Variants in HSPG2 observed in about 807,000 individuals in gnomAD.
The protein encoded by HSPG2 is heparan sulfate proteoglycan 2.
HSPG2 carries 278 observed loss-of-function variants against 526.6 expected under a neutral mutation model. The observed-to-expected ratio is 0.53, with a 90% CI of 0.48 to 0.58. HSPG2 has a LOEUF of 0.58. HSPG2 is among the 20% of genes least tolerant of loss of function. The pLI, the probability that HSPG2 is intolerant of heterozygous loss-of-function variation, is 0.00. For missense variants in HSPG2, 5,354 were observed against 6,099.5 expected (o/e 0.88, Z 4.07); for synonymous variants, 2,465 against 2,555.4 (o/e 0.96, Z 1.07).
In HSPG2 at chr1:21,880,699, G is replaced by C. The variant is rs754926732; in HGVS notation, c.1955C>G (p.Thr652Ser). 18 of 1,599,882 alleles carry C rather than the reference G, an allele frequency of 1.1e-5. No individual in the cohort carries two copies. The highest frequency in any genetic ancestry group is 1.5e-5 in the Non-Finnish European group (18 of 1,173,760). ...GCGCTGGTTCAGAGCACCAGGTTGG[G>C]TGGGTGTGTGGCCTCGGGAGAGGAG... ...YRLLSRGHTP[T>S]QPGALNQRQV... The change falls in exon 15 of 97, where the codon ACC (threonine) becomes AGC (serine). Residue 652 changes from threonine (T) to serine (S), a missense_variant. Physicochemically the swap from Thr to Ser is moderately conservative, Grantham distance 58 (BLOSUM62 1). Coordinates refer to ENST00000374695, the MANE Select transcript of HSPG2 (RefSeq NM_005529.7).
At chr1:21,933,385 A>G (rs1259273377) in intron 1 of HSPG2, among the ~76,000 whole-genome samples, 3 of 152,116 alleles carry the variant, frequency 2.0e-5, no homozygotes, top group Non-Finnish European at 4.4e-5. Flanking sequence ...AGCAGGAAAC[A>G]CAGGTGAATG....
intron 12 of HSPG2, 46 bp from the exon 13 acceptor site, chr1:21,884,720 G>C (rs768228305): frequency 2.5e-5 from 40 of 1,610,706 alleles, no homozygotes; most frequent in Non-Finnish European, 3.0e-5. Context: ...GTGGTGGGCA[G>C]CCCGGCTCTG....
intron 57 of HSPG2, among the ~76,000 whole-genome samples, 177 bp downstream of exon 57, chr1:21,849,864 G>C (rs1029099730): frequency 3.3e-5 from 5 of 152,228 alleles, no homozygotes; most frequent in African/African-American, 1.2e-4. Context: ...ATTTTCAGTA[G>C]AGATGGGGTT....
intron 74 of HSPG2, 96 bp downstream of exon 74, chr1:21,838,729 T>C: frequency 1.5e-6 from 2 of 1,330,684 alleles, no homozygotes; most frequent in Non-Finnish European, 2.1e-6. Context: ...GGTGGGGTTA[T>C]GGAGGGAGGC....
chr1:21,846,546 C>T lies in HSPG2; in HGVS notation c.8218G>A (p.Glu2740Lys), dbSNP rs545072429. ...CAGTTCAGATCCAGGGTCTCCCCTT[C>T]GGCCACGTGTGAGGAGGATGACTCA... is the stretch of plus-strand genomic sequence containing the variant. ...RIESSSSHVA[E>K]GETLDLNCVV... The change falls in exon 63 of 97, where the codon GAA becomes AAA. Residue 2740 changes from glutamate (E) to lysine (K), a missense_variant. By Grantham distance (56) the Glu-to-Lys change is moderately conservative. Transcript: ENST00000374695. 2.2e-5 allele frequency: 36 copies of T among 1,613,748 alleles called. No individual in the cohort carries two copies. The highest frequency in any genetic ancestry group is 1.3e-4 in the East Asian group (6 of 44,890).
At chr1:21,880,955 G>T in intron 14 of HSPG2, 120 bp from the exon 15 acceptor site, 1 of 1,052,606 alleles carries the variant, frequency 9.5e-7, no homozygotes, top group Non-Finnish European at 1.4e-6. Context: ...CTTACTGTGT[G>T]CCAGGCACTG....
rs775040715 is a variant in HSPG2 at position 21,840,030 on chromosome 1, A to T, written c.9514-13T>A. 1.9e-6 allele frequency: 3 copies of T among 1,613,800 alleles called. No individual in the cohort carries two copies. The highest frequency in any genetic ancestry group is 1.7e-6 in the Non-Finnish European group (2 of 1,179,876). On this transcript the variant is annotated splice_polypyrimidine_tract_variant and intron_variant, in intron 71 of 96. Transcript: ENST00000374695. ...TAGCTGATGAAATCTGGGAGAAAGC[A>T]AGGAGGCTGGTTATGTGGGGACTCA...
chr1:21,823,951 G>T, intron 95 of HSPG2, 170 bp downstream of exon 95: 2 of 790,114 alleles, frequency 2.5e-6, no homozygotes, highest in Non-Finnish European at 4.2e-6. Flanking sequence ...CCCCAGCGGA[G>T]TTCAGTCCGA....
intron 1 of HSPG2, chr1:21,908,138 T>A: frequency 1.2e-6 from 1 of 826,836 alleles, no homozygotes; most frequent in South Asian, 1.3e-5. Flanking sequence ...ACCCAATAGA[T>A]GTTCTCCAGG....
In HSPG2 at chr1:21,858,122, G is replaced by T. The variant is rs991200458; in HGVS notation, c.5294-737C>A. On this transcript the variant is annotated intron_variant, in intron 42 of 96. Coordinates refer to ENST00000374695, the MANE Select transcript of HSPG2 (RefSeq NM_005529.7). This position sits in a 1 kb window ranked among gnomAD's most constrained non-coding sequence, Gnocchi z 4.2. ...CAGAGCCAAGACTCTTGCAGGAGTT[G>T]TCCACACTCGCTGCCTTCCCACCCA... 1.3e-5 allele frequency among the ~76,000 whole-genome samples: 2 copies of T among 152,212 alleles called. No individual in the cohort carries two copies. The highest frequency in any genetic ancestry group is 4.1e-4 in the South Asian group (2 of 4,830).
Position 21,872,259 on chromosome 1 carries a change from G to A in HSPG2, c.4148C>T (p.Ser1383Phe). 6.4e-7 allele frequency: 1 copy of A among 1,554,836 alleles called. No individual in the cohort carries two copies. Among genetic ancestry groups the A allele is most frequent in the Non-Finnish European group, 8.7e-7 (1 of 1,148,692 alleles). The change falls in exon 33 of 97, where the codon TCT becomes TTT. Residue 1383 changes from serine to phenylalanine, a missense_variant. By Grantham distance (155) the Ser-to-Phe change is radical. Transcript: ENST00000374695. The surrounding 1 kb of genome is among the most constrained non-coding windows in gnomAD (Gnocchi z 5.5). ...GCCGAGTTGGGCAAAGTTGCCAAAA[G>A]AGAGCTGGGCACCCTCGGGCACGGG... ...VEPVPEGAQLSFGNFAQLGHE... is the reference protein window; with the variant it reads ...VEPVPEGAQLFFGNFAQLGHE...
rs1171936933 is a variant in HSPG2, at chr1:21,833,909, T to C, written c.10737A>G (p.Ser3579=). ...LLLVQALPQI[S]MPQEVRVPAG... ...CAGGCACACGGACTTCTTGGGGCAT[T>C]GAGATCTGGGGCAAGGCTGAGAGGC... The change falls in exon 78 of 97, where the codon TCA becomes TCG. Residue 3579 remains serine, a synonymous_variant. Coordinates refer to ENST00000374695, the MANE Select transcript of HSPG2 (RefSeq NM_005529.7). 2.5e-6 allele frequency: 4 copies of C among 1,590,726 alleles called. No individual in the cohort carries two copies. Among genetic ancestry groups the C allele is most frequent in the Non-Finnish European group, 3.4e-6 (4 of 1,168,256 alleles).
At chr1:21,873,232 T>A in intron 30 of HSPG2, 141 bp from the exon 31 acceptor site, 1 of 1,165,238 alleles carries the variant, frequency 8.6e-7, no homozygotes, top group Non-Finnish European at 1.3e-6. Context: ...TCGGAGGTGG[T>A]GGGGCCTTCT....
intron 1 of HSPG2, among the ~76,000 whole-genome samples, chr1:21,903,967 C>T (rs999049765): frequency 6.6e-6 from 1 of 152,232 alleles, no homozygotes; most frequent in African/African-American, 2.4e-5. Flanking sequence ...TCAGCTTCCT[C>T]ATCCTTAAAA....
chr1:21,918,508 G>C (rs1244490269), intron 1 of HSPG2, among the ~76,000 whole-genome samples: 3 of 151,114 alleles, frequency 2.0e-5, no homozygotes, highest in Admixed American at 6.6e-5. Context: ...AATAGTACCT[G>C]CCTTATTGGG....
intron 1 of HSPG2, among the ~76,000 whole-genome samples, chr1:21,905,611 A>G (rs1244715264): frequency 3.3e-5 from 5 of 152,192 alleles, no homozygotes. Flanking sequence ...GTGTGGTGGC[A>G]GGCGCCTGTA....
intron 33 of HSPG2, among the ~76,000 whole-genome samples, chr1:21,868,610 C>T (rs1640416820): frequency 6.6e-6 from 1 of 152,134 alleles, no homozygotes; most frequent in Non-Finnish European, 1.5e-5. Flanking sequence ...GTCAAGGAAG[C>T]CCAGAGAAAA....
In HSPG2 at chr1:21,889,971, A is replaced by T; in HGVS notation, c.574+10T>A. On this transcript the variant is annotated intron_variant, in intron 6 of 96. Transcript: ENST00000374695. ...GGAGGAGGCGATCCCAGACACCAGG[A>T]TAGGCTCACCTGTGCCCAGGCGTCG... 1 of 1,614,000 alleles carries T rather than the reference A, an allele frequency of 6.2e-7. No individual in the cohort carries two copies. The highest frequency in any genetic ancestry group is 8.5e-7 in the Non-Finnish European group (1 of 1,179,932).
rs113471578 is a variant in HSPG2 at position 21,873,475 on chromosome 1, C to T, written c.3744-51G>A. On this transcript the variant is annotated intron_variant, in intron 29 of 96. Transcript: ENST00000374695. ...AATTTTGGATGAAGGGAAGCAGAACCCCAGGGCTGGGCTGAGGGCCCCATA... is the reference window on the plus strand; with the variant it reads ...AATTTTGGATGAAGGGAAGCAGAACTCCAGGGCTGGGCTGAGGGCCCCATA... The T allele has an allele frequency of 2.1e-5, 33 of 1,579,256 alleles. No individual in the cohort carries two copies. In the African/African-American group the frequency reaches 3.4e-4, roughly 16 times the overall value.
Sources: allele counts gnomAD v4.1 joint callset (sites outside exome capture counted in the v4.1 genomes callset), GRCh38; gene constraint gnomAD v4.1.1; non-coding constraint Gnocchi (gnomAD v3.1); transcripts MANE v1.5; gene names NCBI Gene and HGNC (gene_info 2026-07-23, HGNC 2026-07-21).